SPAG16: variants seen among roughly 807,000 people sequenced by gnomAD.
The protein encoded by SPAG16 is sperm-associated antigen 16 protein.
A neutral mutation model predicts 80.4 loss-of-function variants in SPAG16; 86 were observed. That is an observed-to-expected ratio of 1.07 (90% CI 0.90 to 1.28). The LOEUF is 1.28. Among genes scored for constraint, SPAG16 ranks in the 50% most tolerant of loss-of-function variants. The pLI, the probability that SPAG16 is intolerant of heterozygous loss-of-function variation, is 0.00. For missense variants in SPAG16, 870 were observed against 765.3 expected, an observed-to-expected ratio of 1.14 and a Z score of -1.61; for synonymous variants, 294 against 265.9, an observed-to-expected ratio of 1.11 and a Z score of -1.03.
chr2:214,096,785 G>A (rs1576175906), intron 13 of SPAG16, among the ~76,000 whole-genome samples: 1 of 151,974 alleles, frequency 6.6e-6, no homozygotes, highest in African/African-American at 2.4e-5. Context: ...ATTACACAAG[G>A]ATTCAGCAAA....
chr2:213,942,453 A>G (rs551659557), intron 12 of SPAG16, among the ~76,000 whole-genome samples: 6 of 152,356 alleles, frequency 3.9e-5, no homozygotes, highest in African/African-American at 1.4e-4. Context: ...AGAAGAAATC[A>G]GAAGAACATT....
At chr2:213,396,556 C>G in intron 9 of SPAG16, 1 of 434,686 alleles carries the variant, frequency 2.3e-6, no homozygotes, top group Non-Finnish European at 4.6e-6. Flanking sequence ...AGTGCGAGAA[C>G]AGCCCTCTGT....
chr2:213,923,479 T>G (rs533168175), intron 11 of SPAG16, among the ~76,000 whole-genome samples: 1 of 152,160 alleles, frequency 6.6e-6, no homozygotes. Context: ...TGGGATCACA[T>G]GCCTTACTGT....
At chr2:213,605,166 G>A (rs1257252214) in intron 10 of SPAG16, among the ~76,000 whole-genome samples, 1 of 151,806 alleles carries the variant, frequency 6.6e-6, no homozygotes, top group Non-Finnish European at 1.5e-5. Context: ...GTGACTTGTA[G>A]CCAATCACAC....
chr2:214,083,770 G>GA (rs1398473809), intron 13 of SPAG16, among the ~76,000 whole-genome samples: 1 of 152,110 alleles, frequency 6.6e-6, no homozygotes, highest in Non-Finnish European at 1.5e-5. Context: ...TTTGGTATAT[G>GA]AAACTTGTCA....
chr2:213,390,544 A>G (rs1575460080), intron 9 of SPAG16, among the ~76,000 whole-genome samples: 1 of 152,200 alleles, frequency 6.6e-6, no homozygotes. Flanking sequence ...TTCAAATGTC[A>G]AAGGTTAAAA....
rs562623450 is a variant in SPAG16 at position 213,858,749 on chromosome 2, G to C, written c.1071-3736G>C. On this transcript the variant is annotated intron_variant, in intron 10 of 15. Coordinates refer to ENST00000331683, the MANE Select transcript of SPAG16 (RefSeq NM_024532.5). Reference sequence around the variant, plus strand: ...TATTCTTCAGCTTCTTCAAAAGACTGATTCAGAGGTAAACAGAATGGTCGA... The same window carrying C: ...TATTCTTCAGCTTCTTCAAAAGACTCATTCAGAGGTAAACAGAATGGTCGA... Among the ~76,000 whole-genome samples, 3 of 152,234 alleles carry C rather than the reference G, an allele frequency of 2.0e-5. No homozygotes were observed. The South Asian group carries it at 6.2e-4, about 32-fold the overall frequency.
chr2:213,493,410 T>C (rs2074350083), intron 10 of SPAG16, among the ~76,000 whole-genome samples: 1 of 152,338 alleles, frequency 6.6e-6, no homozygotes, highest in African/African-American at 2.4e-5. Context: ...TGCATTTTCA[T>C]AGAGTATGGT....
In SPAG16 at chr2:214,373,936, C is replaced by T. The variant is rs530177369; in HGVS notation, c.1721-36204C>T. Among the ~76,000 whole-genome samples the T allele has an allele frequency of 1.2e-4, 18 of 152,284 alleles. No individual in the cohort carries two copies. In the South Asian group the frequency reaches 2.9e-3, roughly 25 times the overall value. ...TATGTGCACAAAACTGAACCATGTT[C>T]CAGGGATATGGAGGCAAGTAACACA... On this transcript the variant is annotated intron_variant, in intron 15 of 15. Transcript: ENST00000331683.
chr2:214,259,473 CTTTTT>C (rs5838423), intron 15 of SPAG16, among the ~76,000 whole-genome samples: 10 of 91,248 alleles, frequency 1.1e-4, no homozygotes, highest in African/African-American at 1.3e-4. Flanking sequence ...ACACGTATAG[CTTTTT>C]TTTTTTTTTT....
chr2:213,894,272 G>A (rs2076904522), intron 11 of SPAG16, among the ~76,000 whole-genome samples: 1 of 152,100 alleles, frequency 6.6e-6, no homozygotes, highest in African/African-American at 2.4e-5. Flanking sequence ...TCTCAGGAGT[G>A]CAAGGATGGT....
At chr2:213,875,818 A>G (rs1192459516) in intron 11 of SPAG16, among the ~76,000 whole-genome samples, 1 of 152,060 alleles carries the variant, frequency 6.6e-6, no homozygotes, top group African/African-American at 2.4e-5. Context: ...AATTATTCTG[A>G]TTTTATTTTA....
At chr2:213,896,647 ATG>A (rs138855385) in intron 11 of SPAG16, among the ~76,000 whole-genome samples, 40,271 of 149,492 alleles carry the variant, frequency 0.27, 6,065 homozygotes, top group Middle Eastern at 0.43. Context: ...ATATTCTATT[ATG>A]TGTGTGTTTA....
chr2:213,888,559 T>A (rs1268990202), intron 11 of SPAG16, among the ~76,000 whole-genome samples: 6 of 151,652 alleles, frequency 4.0e-5, no homozygotes, highest in Non-Finnish European at 7.4e-5. Context: ...TACATATTAA[T>A]AGGACAATGT....
chr2:213,887,951 T>A (rs1288211451), intron 11 of SPAG16, among the ~76,000 whole-genome samples: 3 of 151,904 alleles, frequency 2.0e-5, no homozygotes, highest in Non-Finnish European at 4.4e-5. Context: ...TTCTGATTTA[T>A]TTTAATTTGC....
At chr2:214,289,341 G>A (rs1487761972) in intron 15 of SPAG16, among the ~76,000 whole-genome samples, 13 of 152,090 alleles carry the variant, frequency 8.5e-5, no homozygotes. Context: ...TATTTTCTGT[G>A]TTCTTTTCTA....
At chr2:213,332,133 A>G (rs76735751) in intron 5 of SPAG16, among the ~76,000 whole-genome samples, 8,163 of 152,254 alleles carry the variant, frequency 0.054, 709 homozygotes, top group African/African-American at 0.18. Flanking sequence ...AACAAAATCA[A>G]CAAGTCCTTA....
At chr2:214,304,295 G>A (rs1368705449) in intron 15 of SPAG16, among the ~76,000 whole-genome samples, 1 of 152,180 alleles carries the variant, frequency 6.6e-6, no homozygotes, top group Non-Finnish European at 1.5e-5. Context: ...TGTTCTTGAT[G>A]GCCATAACAC....
chr2:213,913,679 A>C (rs2077809054), intron 11 of SPAG16, among the ~76,000 whole-genome samples: 1 of 151,324 alleles, frequency 6.6e-6, no homozygotes, highest in Non-Finnish European at 1.5e-5. Flanking sequence ...ACATATGGAT[A>C]TATATGCATA....
Sources: allele counts gnomAD v4.1 joint callset (sites outside exome capture counted in the v4.1 genomes callset), GRCh38; gene constraint gnomAD v4.1.1; transcripts MANE v1.5; gene names NCBI Gene and HGNC (gene_info 2026-07-23, HGNC 2026-07-21).